Variants in KIF1A observed in about 807,000 individuals in gnomAD.
KIF1A encodes the protein kinesin family member 1A, also known as kinesin-like protein KIF1A.
KIF1A carries 46 observed loss-of-function variants against 227.3 expected under a neutral mutation model. The observed-to-expected ratio is 0.20, with a 90% CI of 0.16 to 0.26. KIF1A has a LOEUF of 0.26. Ranked by LOEUF, KIF1A falls within the 10% of genes least tolerant of loss-of-function variation. The pLI is 1.00. For synonymous variants in KIF1A, 1,022 were observed against 1,012.8 expected (o/e 1.01, Z -0.17); for missense variants, 1,683 against 2,485.9 (o/e 0.68, Z 6.87).
In KIF1A at chr2:240,740,222, A is replaced by C; in HGVS notation, c.3816+76T>G. ...TGAGGGAGGGGGACACAGGCAGGGT[A>C]GGGGCAGGGAGAGGCTCACACCTGG... On this transcript the variant is annotated intron_variant, in intron 36 of 48. Coordinates refer to ENST00000498729, the MANE Select transcript of KIF1A (RefSeq NM_001244008.2). This position sits in a 1 kb window ranked among gnomAD's most constrained non-coding sequence, Gnocchi z 6.1. The C allele has an allele frequency of 7.3e-7, 1 of 1,375,740 alleles. No homozygotes were observed. The highest frequency in any genetic ancestry group is 1.0e-6 in the Non-Finnish European group (1 of 996,076). 85.2% of individuals were successfully genotyped at this position (1,375,740 alleles called of 1,614,324 possible).
chr2:240,718,893 C>G, intron 47 of KIF1A, 113 bp downstream of exon 47: 1 of 840,858 alleles, frequency 1.2e-6, no homozygotes, highest in Admixed American at 2.3e-5. Context: ...AGGACGGAGT[C>G]TGGGGTGAGC....
Position 240,792,367 on chromosome 2 carries a change from C to T in KIF1A, c.107-3055G>A, listed in dbSNP as rs1318233351. 1.3e-5 allele frequency among the ~76,000 whole-genome samples: 2 copies of T among 151,764 alleles called. No homozygotes were observed. Among genetic ancestry groups the T allele is most frequent in the Admixed American group, 6.6e-5 (1 of 15,264 alleles). ...GCTGGGCTGGGCTCCTCAGCCAGCC[C>T]CTTTAGGGCCCCCATCCCCTCCCAC... On this transcript the variant is annotated intron_variant, in intron 2 of 48. Coordinates refer to ENST00000498729, the MANE Select transcript of KIF1A (RefSeq NM_001244008.2). The surrounding 1 kb of genome is among the most constrained non-coding windows in gnomAD (Gnocchi z 4.5).
In KIF1A at chr2:240,748,024, C is replaced by T. The variant is rs1388249835; in HGVS notation, c.2978-703G>A. Among the ~76,000 whole-genome samples the T allele has an allele frequency of 2.0e-5, 3 of 152,078 alleles. No homozygotes were observed. The East Asian group carries it at 5.9e-4, about 30-fold the overall frequency. On this transcript the variant is annotated intron_variant, in intron 28 of 48. Coordinates refer to ENST00000498729, the MANE Select transcript of KIF1A (RefSeq NM_001244008.2). ...GGTGCCTTTTCTAAGTTCCCTTCTC[C>T]ACCACCACAGCCATTAGACAGGGAA...
Position 240,757,647 on chromosome 2 carries a change from A to G in KIF1A, c.2583-53T>C. The stretch of plus-strand genomic sequence containing the variant: ...AAGTTAACACCAGCGACTCGCAGGG[A>G]CGAACAGGGGCCGGGGCCGGGGCTG... On this transcript the variant is annotated intron_variant, in intron 26 of 48. Transcript: ENST00000498729. This position sits in a 1 kb window ranked among gnomAD's most constrained non-coding sequence, Gnocchi z 6.2. The G allele has an allele frequency of 6.5e-7, 1 of 1,534,474 alleles. No individual in the cohort carries two copies. The highest frequency in any genetic ancestry group is 8.8e-7 in the Non-Finnish European group (1 of 1,137,290).
At chr2:240,763,717 C>A (rs1350278891) in intron 20 of KIF1A, among the ~76,000 whole-genome samples, 1 of 152,204 alleles carries the variant, frequency 6.6e-6, no homozygotes, top group Non-Finnish European at 1.5e-5. Flanking sequence ...GCCGGTGCCC[C>A]CAGAGCTGGA....
intron 38 of KIF1A, chr2:240,728,366 C>A (rs3772048): frequency 7.7e-6 from 10 of 1,292,214 alleles, no homozygotes; most frequent in Non-Finnish European, 9.2e-6. Context: ...CAAGCAAGGG[C>A]GGAAGAGAAA....
intron 10 of KIF1A, among the ~76,000 whole-genome samples, chr2:240,780,804 A>ACACACACACACACACACACAGCTC (rs2053607701): frequency 8.3e-5 from 7 of 84,488 alleles, no homozygotes; most frequent in East Asian, 6.8e-4. Context: ...AGCTCCACAC[A>ACACACACACACACACACACAGCTC]CACACACACA....
intron 11 of KIF1A, 37 bp from the exon 12 acceptor site, chr2:240,774,298 T>A: frequency 7.0e-7 from 1 of 1,429,340 alleles, no homozygotes; most frequent in Non-Finnish European, 9.9e-7. Flanking sequence ...CAGAGGGGGA[T>A]CTAGGCCCCA....
chr2:240,753,283 A>G lies in KIF1A; in HGVS notation c.2859-2736T>C, dbSNP rs185269557. 2.0e-5 allele frequency among the ~76,000 whole-genome samples: 3 copies of G among 152,340 alleles called. No individual in the cohort carries two copies. In the East Asian group the frequency reaches 5.8e-4, roughly 29 times the overall value. ...CAAGGGGGTCTGAGGCAGTGCATAG[A>G]GAGGTAAACTGAGGCAGGGGCCAGG... On this transcript the variant is annotated intron_variant, in intron 27 of 48. Transcript: ENST00000498729.
rs570317499 is a variant in KIF1A, at chr2:240,737,242, G to C, written c.3902-74C>G. ...GACCCTGGGGGGCTGCCTCAGGTGG[G>C]GGTCCTGTCAGCAAGCCAGCTCCCC... On this transcript the variant is annotated intron_variant, in intron 37 of 48. Transcript: ENST00000498729. The C allele has an allele frequency of 1.3e-3, 1,557 of 1,185,604 alleles. 19 individuals carry two copies. Among genetic ancestry groups the C allele is most frequent in the Non-Finnish European group, 2.9e-4 (227 of 792,530 alleles). The allele number at this position is 1,185,604 out of a possible 1,614,324, so 73.4% of individuals were successfully genotyped here.
Position 240,761,381 on chromosome 2 carries a change from T to C in KIF1A, c.2117-4A>G. On this transcript the variant is annotated splice_region_variant and splice_polypyrimidine_tract_variant and intron_variant, in intron 23 of 48. Coordinates refer to ENST00000498729, the MANE Select transcript of KIF1A (RefSeq NM_001244008.2). Reference sequence around the variant, plus strand: ...CACTCCCGCTCTGTCCACTGGACTGTGGGGAGAGGTCACACGTGGTCATCG... The same window carrying C: ...CACTCCCGCTCTGTCCACTGGACTGCGGGGAGAGGTCACACGTGGTCATCG... 2 of 1,592,228 alleles carry C rather than the reference T, an allele frequency of 1.3e-6. No homozygotes were observed. Among genetic ancestry groups the C allele is most frequent in the Non-Finnish European group, 1.7e-6 (2 of 1,165,810 alleles).
In KIF1A at chr2:240,725,545, G is replaced by A. The variant is rs980359862; in HGVS notation, c.4123-141C>T. On this transcript the variant is annotated intron_variant, in intron 39 of 48. Transcript: ENST00000498729. The surrounding 1 kb of genome is among the most constrained non-coding windows in gnomAD (Gnocchi z 5.8). Reference sequence around the variant, plus strand: ...CCAGGGCCTCAGGTGTGGCCTGGACGCAGGCAGGAGAAAGTCTCTGCTCCT... The same window carrying A: ...CCAGGGCCTCAGGTGTGGCCTGGACACAGGCAGGAGAAAGTCTCTGCTCCT... 11 of 849,056 alleles carry A rather than the reference G, an allele frequency of 1.3e-5. No individual in the cohort carries two copies. Among genetic ancestry groups the A allele is most frequent in the East Asian group, 1.1e-4 (4 of 37,060 alleles). 52.6% of individuals were successfully genotyped at this position (849,056 alleles called of 1,614,324 possible). A position where few individuals can be genotyped will look rare whatever the true frequency, so the allele number is the denominator to read the frequency against.
At chr2:240,785,450 A>G (rs2054612777) in intron 6 of KIF1A, among the ~76,000 whole-genome samples, 1 of 152,188 alleles carries the variant, frequency 6.6e-6, no homozygotes, top group Admixed American at 6.5e-5. Flanking sequence ...AGGGCTGTCC[A>G]CTGTCCACCC....
Position 240,740,631 on chromosome 2 carries a change from C to A in KIF1A, c.3750-267G>T, listed in dbSNP as rs73102618. Among the ~76,000 whole-genome samples the A allele has an allele frequency of 1.2e-3, 185 of 152,202 alleles. 2 individuals are homozygous for A. Among genetic ancestry groups the A allele is most frequent in the African/African-American group, 4.3e-3 (178 of 41,522 alleles). On this transcript the variant is annotated intron_variant, in intron 35 of 48. Coordinates refer to ENST00000498729, the MANE Select transcript of KIF1A (RefSeq NM_001244008.2). This position sits in a 1 kb window ranked among gnomAD's most constrained non-coding sequence, Gnocchi z 6.1. Reference sequence around the variant, plus strand: ...TATGGCACAGCCTGGCCCCTCTGGGCTGGATCTTTGTAAGTTCCCAAGGGT... The same window carrying A: ...TATGGCACAGCCTGGCCCCTCTGGGATGGATCTTTGTAAGTTCCCAAGGGT...
rs766693472 is a variant in KIF1A, at chr2:240,740,339, G to A, written c.3775C>T (p.Arg1259Cys). 20 of 1,613,692 alleles carry A rather than the reference G, an allele frequency of 1.2e-5. No homozygotes were observed. Among genetic ancestry groups the A allele is most frequent in the East Asian group, 4.5e-5 (2 of 44,874 alleles). ...GDYIPAVVDH[R>C]GGMPCMGTFL... Reference sequence around the variant, plus strand: ...GTCCCCATGCATGGCATGCCCCCACGGTGGTCCACCACGGCCGGGATGTAA... The same window carrying A: ...GTCCCCATGCATGGCATGCCCCCACAGTGGTCCACCACGGCCGGGATGTAA... The change falls in exon 36 of 49, where the codon CGT (arginine) becomes TGT (cysteine). Residue 1259 changes from arginine (R) to cysteine (C), a missense_variant. This residue lies in a region of KIF1A where 759 missense variants were observed against 1,020.2 expected (regional missense o/e 0.74). Coordinates refer to ENST00000498729, the MANE Select transcript of KIF1A (RefSeq NM_001244008.2). This position sits in a 1 kb window ranked among gnomAD's most constrained non-coding sequence, Gnocchi z 6.1.
rs905816061 is a variant in KIF1A, at chr2:240,721,046, G to A, written c.4744-8C>T. ...GACAGACATCTCGGAGAGCTGCGGA[G>A]GAGAGGCCTTTTTCAGGGGACACAG... is the stretch of plus-strand genomic sequence containing the variant. On this transcript the variant is annotated splice_region_variant and splice_polypyrimidine_tract_variant and intron_variant, in intron 44 of 48. Coordinates refer to ENST00000498729, the MANE Select transcript of KIF1A (RefSeq NM_001244008.2). 3.7e-6 allele frequency: 6 copies of A among 1,611,696 alleles called. No homozygotes were observed. In the African/African-American group the frequency reaches 5.3e-5, roughly 14 times the overall value.
intron 32 of KIF1A, among the ~76,000 whole-genome samples, chr2:240,744,665 G>A (rs2125782725): frequency 6.6e-6 from 1 of 152,310 alleles, no homozygotes; most frequent in South Asian, 2.1e-4. Flanking sequence ...GCCAAGGATA[G>A]AGGCCTAAGA....
chr2:240,740,235 G>A lies in KIF1A; in HGVS notation c.3816+63C>T, dbSNP rs372906004. 18 of 1,571,270 alleles carry A rather than the reference G, an allele frequency of 1.1e-5. No homozygotes were observed. The highest frequency in any genetic ancestry group is 1.5e-5 in the Non-Finnish European group (17 of 1,145,198). On this transcript the variant is annotated intron_variant, in intron 36 of 48. Transcript: ENST00000498729. The surrounding 1 kb of genome is among the most constrained non-coding windows in gnomAD (Gnocchi z 6.1). ...CACAGGCAGGGTAGGGGCAGGGAGA[G>A]GCTCACACCTGGTGGGGTGGGGGAG...
Position 240,792,358 on chromosome 2 carries a change from C to T in KIF1A, c.107-3046G>A, listed in dbSNP as rs1164925340. Among the ~76,000 whole-genome samples the T allele has an allele frequency of 1.3e-5, 2 of 151,922 alleles. No homozygotes were observed. Among genetic ancestry groups the T allele is most frequent in the African/African-American group, 4.8e-5 (2 of 41,366 alleles). On this transcript the variant is annotated intron_variant, in intron 2 of 48. Coordinates refer to ENST00000498729, the MANE Select transcript of KIF1A (RefSeq NM_001244008.2). This position sits in a 1 kb window ranked among gnomAD's most constrained non-coding sequence, Gnocchi z 4.5. ...CCAGGGCCTGCTGGGCTGGGCTCCT[C>T]AGCCAGCCCCTTTAGGGCCCCCATC...
Sources: allele counts gnomAD v4.1 joint callset (sites outside exome capture counted in the v4.1 genomes callset), GRCh38; gene constraint gnomAD v4.1.1; regional missense constraint gnomAD v4.1.1; non-coding constraint Gnocchi (gnomAD v3.1); transcripts MANE v1.5; gene names NCBI Gene and HGNC (gene_info 2026-07-23, HGNC 2026-07-21).